FUT8: variants seen among roughly 807,000 people sequenced by gnomAD.
FUT8 encodes fucosyltransferase 8, also known as alpha-(1,6)-fucosyltransferase.
In FUT8, 29 loss-of-function variants were observed where a neutral mutation model predicts 71.3. The observed-to-expected ratio is 0.41, with a 90% CI of 0.30 to 0.55. The LOEUF (loss-of-function observed/expected upper bound fraction) is 0.55, where lower values mean the gene tolerates loss of function less well. FUT8 is among the 20% of genes least tolerant of loss of function. The pLI, the probability that FUT8 is intolerant of heterozygous loss-of-function variation, is 0.34. For synonymous variants in FUT8, 254 were observed against 239.3 expected (o/e 1.06, Z -0.57); for missense variants, 544 against 702.1 (o/e 0.77, Z 2.55).
intron 3 of FUT8, among the ~76,000 whole-genome samples, chr14:65,600,418 G>A (rs1399700862): frequency 1.3e-5 from 2 of 152,168 alleles, no homozygotes; most frequent in East Asian, 1.9e-4. Flanking sequence ...GTGAGAATGT[G>A]TCATGTGCTA....
chr14:65,660,025 T>C lies in FUT8; in HGVS notation c.598-9218T>C, dbSNP rs544661581. ...TTTTCTGTGCATTTATATAGGATTG[T>C]CAGATTCTGGCTCCTCATGTAACTC... On this transcript the variant is annotated intron_variant, in intron 6 of 10. Coordinates refer to ENST00000673929, the MANE Select transcript of FUT8 (RefSeq NM_001371533.1). The surrounding 1 kb of genome is among the most constrained non-coding windows in gnomAD (Gnocchi z 4.1). Among the ~76,000 whole-genome samples the C allele has an allele frequency of 1.4e-4, 21 of 152,282 alleles. No individual in the cohort carries two copies. The highest frequency in any genetic ancestry group is 3.4e-3 in the Middle Eastern group (1 of 294).
intron 2 of FUT8, among the ~76,000 whole-genome samples, chr14:65,557,962 G>A (rs1885685952): frequency 6.6e-6 from 1 of 152,118 alleles, no homozygotes; most frequent in South Asian, 2.1e-4. Context: ...CAGTTATATC[G>A]TTGTCTTTGC....
intron 2 of FUT8, among the ~76,000 whole-genome samples, chr14:65,486,880 A>T (rs2066416466): frequency 1.3e-5 from 2 of 152,206 alleles, no homozygotes; most frequent in Non-Finnish European, 2.9e-5. Flanking sequence ...TAAAGAAATG[A>T]CCAGAGAAAG....
Position 65,439,954 on chromosome 14 carries a change from G to GTGTACATATATATATATA in FUT8, c.-325-15666_-325-15665insGTACATATATATATATAT. On this transcript the variant is annotated intron_variant, in intron 1 of 10. Transcript: ENST00000673929. ...ATAAAGAAAATGTGTGTGTGTGTGT[G>GTGTACATATATATATATA]TATATATATATATATATATATATAT... Among the ~76,000 whole-genome samples the GTGTACATATATATATATA allele has an allele frequency of 2.3e-3, 169 of 74,966 alleles. 8 individuals are homozygous for GTGTACATATATATATATA. The highest frequency in any genetic ancestry group is 7.4e-3 in the Middle Eastern group (1 of 136). 49.2% of individuals were successfully genotyped at this position (74,966 alleles called of 152,430 possible). A position where few individuals can be genotyped will look rare whatever the true frequency, so the allele number is the denominator to read the frequency against.
At chr14:65,511,808 T>C (rs1354864440) in intron 2 of FUT8, among the ~76,000 whole-genome samples, 1 of 152,240 alleles carries the variant, frequency 6.6e-6, no homozygotes, top group Non-Finnish European at 1.5e-5. Flanking sequence ...GTGTTTCTTG[T>C]AGGCAACAGA....
intron 5 of FUT8, among the ~76,000 whole-genome samples, chr14:65,628,234 T>A (rs2140258407): frequency 6.6e-6 from 1 of 152,156 alleles, no homozygotes; most frequent in African/African-American, 2.4e-5. Flanking sequence ...AATAGAGAAA[T>A]CAAGAAGGAT....
intron 1 of FUT8, among the ~76,000 whole-genome samples, chr14:65,440,515 CAAAAA>C (rs2065637826): frequency 6.6e-6 from 1 of 151,194 alleles, no homozygotes; most frequent in African/African-American, 2.4e-5. Flanking sequence ...ACTATTAAAA[CAAAAA>C]AAGCTTGGAT....
intron 2 of FUT8, among the ~76,000 whole-genome samples, chr14:65,530,555 A>G (rs1484940835): frequency 6.6e-6 from 1 of 152,122 alleles, no homozygotes; most frequent in Non-Finnish European, 1.5e-5. Context: ...GTAAAATTTC[A>G]TTTTTAAATG....
intron 6 of FUT8, among the ~76,000 whole-genome samples, chr14:65,647,178 T>A (rs181470366): frequency 1.9e-4 from 29 of 152,290 alleles, no homozygotes; most frequent in African/African-American, 6.7e-4. Context: ...TCAGTTGTAT[T>A]TGATAGATGA....
At chr14:65,702,529 A>G (rs1894354547) in intron 7 of FUT8, among the ~76,000 whole-genome samples, 1 of 152,188 alleles carries the variant, frequency 6.6e-6, no homozygotes, top group African/African-American at 2.4e-5. Flanking sequence ...CGGCTATGTT[A>G]GAAGCATCTT....
chr14:65,519,305 A>G (rs1224298118), intron 2 of FUT8, among the ~76,000 whole-genome samples: 1 of 152,242 alleles, frequency 6.6e-6, no homozygotes, highest in Non-Finnish European at 1.5e-5. Flanking sequence ...AAGCCCTTAA[A>G]AAATGAGATA....
chr14:65,427,661 G>A (rs746685368), intron 1 of FUT8, among the ~76,000 whole-genome samples: 1 of 151,930 alleles, frequency 6.6e-6, no homozygotes, highest in African/African-American at 2.4e-5. Flanking sequence ...CTTATATACC[G>A]AATTCCTTCT....
intron 2 of FUT8, among the ~76,000 whole-genome samples, chr14:65,511,700 C>A (rs1882357814): frequency 6.6e-6 from 1 of 152,096 alleles, no homozygotes; most frequent in Non-Finnish European, 1.5e-5. Flanking sequence ...TTGTCTGATA[C>A]AAATATAGCT....
intron 2 of FUT8, among the ~76,000 whole-genome samples, chr14:65,508,491 G>GTT (rs34809476): frequency 0.023 from 1,072 of 46,500 alleles, 385 homozygotes; most frequent in African/African-American, 0.026. Context: ...AGTTGTTTGA[G>GTT]TTTTTTTTTT....
the FUT8 span, among the ~76,000 whole-genome samples, chr14:65,371,411 C>T: frequency 1.3e-5 from 2 of 152,184 alleles, no homozygotes; most frequent in South Asian, 4.1e-4. Context: ...ATATTTAGAT[C>T]CCATTCAAGT....
intron 1 of FUT8, 128 bp from the exon 2 acceptor site, chr14:65,455,493 A>C (rs1177446554): frequency 5.1e-6 from 2 of 391,042 alleles, no homozygotes; most frequent in African/African-American, 4.1e-5. Flanking sequence ...GTCAGTGTAC[A>C]AAATAAGTGA....
At chr14:65,559,949 C>T (rs1263931647) in intron 2 of FUT8, among the ~76,000 whole-genome samples, 2 of 152,134 alleles carry the variant, frequency 1.3e-5, no homozygotes, top group African/African-American at 4.8e-5. Flanking sequence ...AAACAGTTCT[C>T]AGCAAGTACA....
intron 7 of FUT8, among the ~76,000 whole-genome samples, chr14:65,677,158 G>A (rs1308941776): frequency 2.6e-5 from 3 of 116,336 alleles, no homozygotes; most frequent in African/African-American, 4.3e-5. Context: ...GTGTGCGCGC[G>A]CGCATGCGCG....
the FUT8 span, among the ~76,000 whole-genome samples, chr14:65,386,676 A>G: frequency 6.6e-6 from 1 of 151,810 alleles, no homozygotes; most frequent in African/African-American, 2.4e-5. Context: ...TACCTGTATC[A>G]TATCTGGATA....
Sources: gnomAD v4.1 joint callset for allele counts (sites outside exome capture counted in the v4.1 genomes callset) on GRCh38, gnomAD v4.1.1 for gene constraint, Gnocchi (gnomAD v3.1) non-coding constraint, MANE v1.5 for transcripts, NCBI Gene and HGNC (gene_info 2026-07-23, HGNC 2026-07-21) for gene names.